Variants in SLC8A1 observed in about 807,000 individuals in gnomAD.
SLC8A1 encodes sodium/calcium exchanger 1.
A neutral mutation model predicts 68.3 loss-of-function variants in SLC8A1; 18 were observed. The observed-to-expected ratio is 0.26, with a 90% CI of 0.18 to 0.39. The LOEUF is 0.39. Among genes scored for constraint, SLC8A1 ranks in the 10% least tolerant of loss-of-function variants. The pLI is 1.00. For missense variants in SLC8A1, 985 were observed against 1,156.7 expected, an observed-to-expected ratio of 0.85 and a Z score of 2.15; for synonymous variants, 475 against 415.5, an observed-to-expected ratio of 1.14 and a Z score of -1.74.
chr2:40,511,339 AT>A (rs1319777162), intron 1 of SLC8A1, among the ~76,000 whole-genome samples: 1 of 152,164 alleles, frequency 6.6e-6, no homozygotes, highest in South Asian at 2.1e-4. Flanking sequence ...ATGACCTATA[AT>A]TTTTTCTCTT....
intron 7 of SLC8A1, among the ~76,000 whole-genome samples, chr2:40,127,576 C>A (rs1053558292): frequency 1.3e-5 from 2 of 152,174 alleles, no homozygotes; most frequent in African/African-American, 4.8e-5. Context: ...TCAGGAATCA[C>A]AGGCTATGAT....
At chr2:40,139,419 G>T (rs966487873) in exon 7 of SLC8A1, 1 of 1,614,026 alleles carries the variant, frequency 6.2e-7, no homozygotes, top group African/African-American at 1.3e-5. Flanking sequence ...GATGTTCCAA[G>T]TGCGACGAAC....
At chr2:40,436,733 A>T (rs1419956027) in intron 1 of SLC8A1, among the ~76,000 whole-genome samples, 1 of 152,126 alleles carries the variant, frequency 6.6e-6, no homozygotes, top group Non-Finnish European at 1.5e-5. Flanking sequence ...CAAGCATTTA[A>T]ATTTAAATAT....
chr2:40,387,719 C>T (rs558881610), intron 2 of SLC8A1, among the ~76,000 whole-genome samples: 3 of 147,034 alleles, frequency 2.0e-5, no homozygotes, highest in Admixed American at 6.7e-5. Context: ...GGGTGGATCA[C>T]TTGAGGTCAG....
At chr2:40,177,911 C>G (rs56248702) in intron 2 of SLC8A1, 278 of 1,142,590 alleles carry the variant, frequency 2.4e-4, no homozygotes, top group Non-Finnish European at 3.5e-4. Flanking sequence ...CGCTCATGCT[C>G]TTGGTGTCCA....
At chr2:40,237,361 T>G (rs980084829) in intron 2 of SLC8A1, among the ~76,000 whole-genome samples, 2 of 152,210 alleles carry the variant, frequency 1.3e-5, no homozygotes, top group Admixed American at 1.3e-4. Context: ...CATTTCATCT[T>G]CCATTGCTGA....
At chr2:40,208,236 C>G (rs1050886257) in intron 2 of SLC8A1, 4 of 152,120 alleles carry the variant, frequency 2.6e-5, no homozygotes, top group African/African-American at 9.7e-5. Flanking sequence ...CTCTGGGCCT[C>G]TTGCTTTCTA....
intron 2 of SLC8A1, among the ~76,000 whole-genome samples, chr2:40,330,069 G>C (rs2076257995): frequency 6.6e-6 from 1 of 152,150 alleles, no homozygotes; most frequent in Non-Finnish European, 1.5e-5. Flanking sequence ...TTTTCAAAAA[G>C]TAGATGCTAG....
At chr2:40,463,268 G>A (rs1413093187) in intron 1 of SLC8A1, among the ~76,000 whole-genome samples, 1 of 152,172 alleles carries the variant, frequency 6.6e-6, no homozygotes, top group Admixed American at 6.5e-5. Flanking sequence ...CAAAGGCCCT[G>A]AGATGAGATG....
At chr2:40,413,110 T>C (rs1051707729) in intron 2 of SLC8A1, among the ~76,000 whole-genome samples, 2 of 152,136 alleles carry the variant, frequency 1.3e-5, no homozygotes, top group Admixed American at 6.6e-5. Flanking sequence ...CAACAGGTGC[T>C]GGAGAGGATG....
At chr2:40,277,599 GT>G (rs895321171) in intron 2 of SLC8A1, among the ~76,000 whole-genome samples, 4 of 151,414 alleles carry the variant, frequency 2.6e-5, no homozygotes, top group African/African-American at 9.7e-5. Context: ...ACCTTATAAG[GT>G]TTTCATAAAA....
chr2:40,329,326 G>A (rs962332895), intron 2 of SLC8A1, among the ~76,000 whole-genome samples: 2 of 152,120 alleles, frequency 1.3e-5, no homozygotes, highest in African/African-American at 4.8e-5. Flanking sequence ...AGCACTGAAT[G>A]GTTAATTTTC....
chr2:40,282,120 A>G (rs1277932106), intron 2 of SLC8A1, among the ~76,000 whole-genome samples: 1 of 152,184 alleles, frequency 6.6e-6, no homozygotes, highest in Non-Finnish European at 1.5e-5. Flanking sequence ...AATGAAATAC[A>G]GTAAAATGCC....
intron 2 of SLC8A1, among the ~76,000 whole-genome samples, chr2:40,298,644 A>G (rs1179633604): frequency 1.3e-5 from 2 of 152,180 alleles, no homozygotes; most frequent in Non-Finnish European, 2.9e-5. Flanking sequence ...AAGAAATTAG[A>G]AGGCTATGGT....
At chr2:40,252,778 G>A (rs1454148647) in intron 2 of SLC8A1, among the ~76,000 whole-genome samples, 1 of 142,294 alleles carries the variant, frequency 7.0e-6, no homozygotes, top group East Asian at 1.9e-4. Context: ...GTGAATGTTA[G>A]CACATATATA....
At chr2:40,321,443 C>T (rs1333035474) in intron 2 of SLC8A1, among the ~76,000 whole-genome samples, 7 of 152,146 alleles carry the variant, frequency 4.6e-5, no homozygotes, top group East Asian at 3.9e-4. Flanking sequence ...CTCTCAGTAA[C>T]GCATGGGGTC....
In SLC8A1 at chr2:40,463,885, CACAT is replaced by C. The variant is rs1468039939; in HGVS notation, c.-24-33585_-24-33582del. Among the ~76,000 whole-genome samples, 643 of 126,284 alleles carry C rather than the reference CACAT, an allele frequency of 5.1e-3. 5 individuals carry two copies. Among genetic ancestry groups the C allele is most frequent in the African/African-American group, 0.019 (615 of 32,236 alleles). The allele number at this position is 126,284 out of a possible 152,430, so 82.8% of individuals were successfully genotyped here. A position where few individuals can be genotyped will look rare whatever the true frequency, so the allele number is the denominator to read the frequency against. On this transcript the variant is annotated intron_variant, in intron 1 of 7. Transcript: ENST00000402441. The stretch of plus-strand genomic sequence containing the variant: ...ACACACACACACACACACACACACA[CACAT>C]ATATATATAGAGAGAGAGACAGATT...
chr2:40,462,794 G>T (rs1017057863), intron 1 of SLC8A1, among the ~76,000 whole-genome samples: 4 of 151,996 alleles, frequency 2.6e-5, no homozygotes, highest in Admixed American at 6.6e-5. Flanking sequence ...GTGATAGAGT[G>T]AGACTCAGTC....
intron 2 of SLC8A1, among the ~76,000 whole-genome samples, chr2:40,190,355 A>C (rs538169664): frequency 1.3e-5 from 2 of 152,298 alleles, no homozygotes; most frequent in South Asian, 4.1e-4. Flanking sequence ...CAGTGAAATT[A>C]ACCAATGCCT....
Sources: allele counts gnomAD v4.1 joint callset (sites outside exome capture counted in the v4.1 genomes callset), GRCh38; gene constraint gnomAD v4.1.1; transcripts MANE v1.5; gene names NCBI Gene and HGNC (gene_info 2026-07-23, HGNC 2026-07-21).